CDH4: variants seen among roughly 807,000 people sequenced by gnomAD.
CDH4 encodes the protein cadherin 4.
A neutral mutation model predicts 86.0 loss-of-function variants in CDH4; 33 were observed. That is an observed-to-expected ratio of 0.38 (90% CI 0.29 to 0.51). CDH4 has a LOEUF of 0.51. Ranked by LOEUF, CDH4 falls within the 20% of genes least tolerant of loss-of-function variation. The pLI, the probability that CDH4 is intolerant of heterozygous loss-of-function variation, is 0.86. For synonymous variants in CDH4, 555 were observed against 549.4 expected (o/e 1.01, Z -0.14); for missense variants, 1,114 against 1,307.4 (o/e 0.85, Z 2.28).
intron 2 of CDH4, among the ~76,000 whole-genome samples, chr20:61,545,118 G>A (rs185077533): frequency 2.4e-4 from 36 of 152,282 alleles, no homozygotes; most frequent in African/African-American, 7.5e-4. Context: ...GACCAAAGTC[G>A]TTCAGCAAAC....
intron 2 of CDH4, among the ~76,000 whole-genome samples, chr20:61,722,526 G>T (rs1198572760): frequency 6.6e-6 from 1 of 152,200 alleles, no homozygotes; most frequent in Non-Finnish European, 1.5e-5. Context: ...GGCCTTACCA[G>T]GCTGTGTCTA....
intron 2 of CDH4, among the ~76,000 whole-genome samples, chr20:61,360,724 G>T (rs1363852319): frequency 2.0e-5 from 3 of 152,228 alleles, no homozygotes; most frequent in Admixed American, 1.3e-4. Flanking sequence ...GGTCATGGGG[G>T]TTTCTGAACT....
At chr20:61,430,218 T>C (rs2085238843) in intron 2 of CDH4, among the ~76,000 whole-genome samples, 1 of 152,228 alleles carries the variant, frequency 6.6e-6, no homozygotes, top group African/African-American at 2.4e-5. Context: ...CCTCTGTTAA[T>C]TGGACTAAGC....
chr20:61,269,597 TTAGTTA>T lies in CDH4; in HGVS notation c.169+14663_169+14668del, dbSNP rs1474287582. Among the ~76,000 whole-genome samples, 1 of 152,032 alleles carries T rather than the reference TTAGTTA, an allele frequency of 6.6e-6. No homozygotes were observed. The highest frequency in any genetic ancestry group is 2.4e-5 in the African/African-American group (1 of 41,394). On this transcript the variant is annotated intron_variant, in intron 2 of 15. Transcript: ENST00000614565. This position sits in a 1 kb window ranked among gnomAD's most constrained non-coding sequence, Gnocchi z 5.3. ...CTTGCTCTTATTTATTAATTATTTATTAGTTATAATTATTTATTTAATTAATTATAC... is the reference window on the plus strand; with the variant it reads ...CTTGCTCTTATTTATTAATTATTTATTAATTATTTATTTAATTAATTATAC...
intron 2 of CDH4, among the ~76,000 whole-genome samples, chr20:61,520,698 G>C (rs576791739): frequency 6.6e-6 from 1 of 151,586 alleles, no homozygotes; most frequent in East Asian, 1.9e-4. Flanking sequence ...TCTGAGCATC[G>C]GGAGGGAAGC....
At chr20:61,316,918 A>G (rs2084479296) in intron 2 of CDH4, among the ~76,000 whole-genome samples, 1 of 151,596 alleles carries the variant, frequency 6.6e-6, no homozygotes, top group Non-Finnish European at 1.5e-5. Context: ...AGCCTCCCTC[A>G]GGTGCGTGCA....
chr20:61,728,895 C>A (rs1600920903), intron 2 of CDH4, among the ~76,000 whole-genome samples: 1 of 152,300 alleles, frequency 6.6e-6, no homozygotes, highest in South Asian at 2.1e-4. Context: ...AGCAAGGCCA[C>A]CCCCTCCAGG....
chr20:61,602,746 G>C (rs1568707785), intron 2 of CDH4, among the ~76,000 whole-genome samples: 1 of 149,964 alleles, frequency 6.7e-6, no homozygotes, highest in Non-Finnish European at 1.5e-5. Context: ...TCTCCCAGGT[G>C]CTGTGTGTGC....
At chr20:61,334,881 G>C (rs2084608869) in intron 2 of CDH4, among the ~76,000 whole-genome samples, 1 of 152,222 alleles carries the variant, frequency 6.6e-6, no homozygotes, top group African/African-American at 2.4e-5. Context: ...ACTCCACTTT[G>C]CCTCCTTCAT....
intron 3 of CDH4, among the ~76,000 whole-genome samples, chr20:61,767,190 G>A (rs903357878): frequency 4.6e-5 from 7 of 152,212 alleles, no homozygotes; most frequent in African/African-American, 1.7e-4. Context: ...GCCCCCACAT[G>A]AGCATGCAGG....
chr20:61,583,150 C>CA (rs1568697078), intron 2 of CDH4, among the ~76,000 whole-genome samples: 3 of 66,394 alleles, frequency 4.5e-5, no homozygotes, highest in Admixed American at 3.2e-4. Flanking sequence ...GAGGGCTCTG[C>CA]GGAGGGACAG....
At chr20:61,766,028 G>A (rs759097567) in intron 3 of CDH4, among the ~76,000 whole-genome samples, 1 of 152,016 alleles carries the variant, frequency 6.6e-6, no homozygotes, top group African/African-American at 2.4e-5. Context: ...AGGGACCGCG[G>A]ATGCTGGGCC....
intron 2 of CDH4, among the ~76,000 whole-genome samples, chr20:61,547,969 A>AC (rs1370908667): frequency 6.6e-6 from 1 of 152,112 alleles, no homozygotes; most frequent in Non-Finnish European, 1.5e-5. Context: ...ACAAAGTAAC[A>AC]CATGCCCTTG....
At chr20:61,874,411 G>A (rs1464858859) in intron 7 of CDH4, among the ~76,000 whole-genome samples, 1 of 152,204 alleles carries the variant, frequency 6.6e-6, no homozygotes, top group African/African-American at 2.4e-5. Context: ...CTGCTGGTTG[G>A]TGCTGGGTTC....
intron 2 of CDH4, among the ~76,000 whole-genome samples, chr20:61,548,456 A>T (rs1159359382): frequency 3.3e-5 from 5 of 152,130 alleles, no homozygotes; most frequent in Admixed American, 1.3e-4. Context: ...TTTGTTTCAG[A>T]TGTTGAGATC....
intron 3 of CDH4, among the ~76,000 whole-genome samples, chr20:61,761,421 A>G (rs918796010): frequency 6.6e-6 from 1 of 152,204 alleles, no homozygotes; most frequent in African/African-American, 2.4e-5. Context: ...CCTTCCCCAG[A>G]TGTTTCATTT....
chr20:61,273,761 C>T (rs1568776444), intron 2 of CDH4, among the ~76,000 whole-genome samples: 1 of 142,964 alleles, frequency 7.0e-6, no homozygotes, highest in African/African-American at 2.7e-5. Context: ...TGGGGGAGTA[C>T]TGTGCACAGT....
intron 3 of CDH4, among the ~76,000 whole-genome samples, chr20:61,744,429 AGGGAGG>A (rs1185994739): frequency 1.9e-4 from 20 of 108,096 alleles, no homozygotes; most frequent in African/African-American, 7.8e-4. Context: ...AGAGAAGGAA[AGGGAGG>A]GAGAGGAAGA....
chr20:61,874,527 C>A (rs942758893), intron 7 of CDH4, among the ~76,000 whole-genome samples: 2 of 152,200 alleles, frequency 1.3e-5, no homozygotes, highest in Non-Finnish European at 2.9e-5. Flanking sequence ...CAGAGACAGA[C>A]CCCAGAGGGA....
Sources: gnomAD v4.1 joint callset for allele counts (sites outside exome capture counted in the v4.1 genomes callset) on GRCh38, gnomAD v4.1.1 for gene constraint, Gnocchi (gnomAD v3.1) non-coding constraint, MANE v1.5 for transcripts, NCBI Gene and HGNC (gene_info 2026-07-23, HGNC 2026-07-21) for gene names.